SCP2: variants seen among roughly 807,000 people sequenced by gnomAD.
SCP2 encodes the protein SCP-2/3-oxoacyl-CoA thiolase.
A neutral mutation model predicts 71.4 loss-of-function variants in SCP2; 48 were observed. The ratio of observed to expected loss-of-function variants is 0.67; its 90% confidence interval spans 0.53 to 0.86. The LOEUF is 0.86. Ranked by LOEUF, SCP2 falls within the 40% of genes least tolerant of loss-of-function variation. SCP2 has a pLI of 0.00. For missense variants in SCP2, 560 were observed against 655.6 expected, an observed-to-expected ratio of 0.85 and a Z score of 1.59; for synonymous variants, 220 against 218.1, an observed-to-expected ratio of 1.01 and a Z score of -0.08.
At chr1:52,974,452 T>C (rs1449821001) in intron 6 of SCP2, among the ~76,000 whole-genome samples, 1 of 152,158 alleles carries the variant, frequency 6.6e-6, no homozygotes, top group Non-Finnish European at 1.5e-5. Flanking sequence ...CCTAGAGGAA[T>C]TGTAGTGTTC....
chr1:52,971,245 G>C (rs1377268688), intron 6 of SCP2, among the ~76,000 whole-genome samples: 1 of 151,984 alleles, frequency 6.6e-6, no homozygotes, highest in East Asian at 1.9e-4. Context: ...CAAAGTGCTG[G>C]GATTACAGGC....
rs190914292 is a variant in SCP2 at position 52,996,986 on chromosome 1, A to G, written c.1081+8850A>G. Among the ~76,000 whole-genome samples the G allele has an allele frequency of 1.1e-3, 163 of 152,030 alleles. 3 individuals carry two copies. In the South Asian group the frequency reaches 0.032, roughly 29 times the overall value. ...TATTTTGAACTTGCTGCCTTTTTTCATATTGAAAATGTGACATTGCTCCAA... is the reference window on the plus strand; with the variant it reads ...TATTTTGAACTTGCTGCCTTTTTTCGTATTGAAAATGTGACATTGCTCCAA... On this transcript the variant is annotated intron_variant, in intron 11 of 15. Coordinates refer to ENST00000371514, the MANE Select transcript of SCP2 (RefSeq NM_002979.5).
intron 14 of SCP2, among the ~76,000 whole-genome samples, chr1:53,046,323 G>A (rs1421569925): frequency 2.0e-5 from 3 of 148,342 alleles, no homozygotes; most frequent in African/African-American, 7.4e-5. Context: ...CTAACACTGG[G>A]TATTGTCTTT....
intron 6 of SCP2, among the ~76,000 whole-genome samples, chr1:52,966,841 C>T (rs541128060): frequency 5.9e-5 from 9 of 151,420 alleles, no homozygotes; most frequent in African/African-American, 1.2e-4. Context: ...TGCAGTGAGC[C>T]GAGATCATGC....
intron 2 of SCP2, among the ~76,000 whole-genome samples, chr1:52,942,321 G>C (rs959668580): frequency 2.6e-5 from 4 of 152,178 alleles, no homozygotes; most frequent in African/African-American, 9.7e-5. Flanking sequence ...TAAAGGAGGT[G>C]ATGCAGTTTG....
intron 6 of SCP2, among the ~76,000 whole-genome samples, chr1:52,972,374 A>C (rs558099175): frequency 1.3e-5 from 2 of 152,370 alleles, no homozygotes; most frequent in South Asian, 4.1e-4. Flanking sequence ...AGTGACTGGC[A>C]GAATATTTTT....
rs11438037 is a variant in SCP2, at chr1:52,929,197, C to CTT, written c.69+1747_69+1748dup. ...ATATTGACTAGACAACACTGTAACA[C>CTT]TTTTTTTTTTTTTTTTGGAAGACGG... On this transcript the variant is annotated intron_variant, in intron 1 of 15. Transcript: ENST00000371514. Among the ~76,000 whole-genome samples, 1,105 of 135,856 alleles carry CTT rather than the reference C, an allele frequency of 8.1e-3. 12 individuals are homozygous for CTT. Among genetic ancestry groups the CTT allele is most frequent in the African/African-American group, 0.015 (547 of 36,390 alleles). 89.1% of individuals were successfully genotyped at this position (135,856 alleles called of 152,430 possible).
At chr1:52,996,514 G>A (rs1456692628) in intron 11 of SCP2, among the ~76,000 whole-genome samples, 1 of 152,134 alleles carries the variant, frequency 6.6e-6, no homozygotes, top group African/African-American at 2.4e-5. Context: ...TAATTTCCAG[G>A]TATTTCTATT....
intron 12 of SCP2, among the ~76,000 whole-genome samples, chr1:53,023,315 C>T (rs1296255656): frequency 6.6e-6 from 1 of 152,164 alleles, no homozygotes; most frequent in Non-Finnish European, 1.5e-5. Context: ...TTAAAAGTAA[C>T]TGAAAAATTG....
At chr1:53,019,609 G>A (rs578155854) in intron 12 of SCP2, among the ~76,000 whole-genome samples, 36 of 152,206 alleles carry the variant, frequency 2.4e-4, no homozygotes, top group Non-Finnish European at 5.0e-4. Flanking sequence ...AGTAGAGAAT[G>A]GTATATGGAA....
intron 6 of SCP2, among the ~76,000 whole-genome samples, chr1:52,973,000 C>T (rs1014131793): frequency 6.6e-6 from 1 of 152,178 alleles, no homozygotes; most frequent in African/African-American, 2.4e-5. Context: ...TATTCTGATC[C>T]ATCCTATTGA....
intron 6 of SCP2, among the ~76,000 whole-genome samples, chr1:52,965,352 A>T (rs1307990479): frequency 2.6e-5 from 4 of 152,092 alleles, no homozygotes; most frequent in Non-Finnish European, 5.9e-5. Flanking sequence ...TTTTACTAGG[A>T]TTGTATTAAT....
At chr1:52,982,028 G>GT (rs1259601026) in intron 10 of SCP2, among the ~76,000 whole-genome samples, 1 of 151,494 alleles carries the variant, frequency 6.6e-6, no homozygotes, top group Non-Finnish European at 1.5e-5. Context: ...CTTATCGATT[G>GT]TTTTTTTCAC....
chr1:52,977,793 T>C (rs1658114780), intron 8 of SCP2, among the ~76,000 whole-genome samples: 1 of 152,134 alleles, frequency 6.6e-6, no homozygotes, highest in African/African-American at 2.4e-5. Flanking sequence ...AAACTCCGTC[T>C]CTACTAAAAA....
chr1:53,025,527 T>C (rs1011958087), intron 12 of SCP2, among the ~76,000 whole-genome samples: 1 of 152,162 alleles, frequency 6.6e-6, no homozygotes, highest in African/African-American at 2.4e-5. Context: ...ACATTCCTCC[T>C]TGTCCTCGTA....
intron 1 of SCP2, among the ~76,000 whole-genome samples, chr1:52,930,009 C>A (rs1055602792): frequency 1.3e-5 from 2 of 152,180 alleles, no homozygotes; most frequent in African/African-American, 4.8e-5. Context: ...TCCTGATATA[C>A]CCTCTTTTCA....
At chr1:52,962,412 C>T (rs1297286937) in intron 6 of SCP2, among the ~76,000 whole-genome samples, 2 of 152,218 alleles carry the variant, frequency 1.3e-5, no homozygotes, top group Non-Finnish European at 2.9e-5. Context: ...TCTGCTTGTG[C>T]ACCTCCAGAG....
intron 4 of SCP2, among the ~76,000 whole-genome samples, chr1:52,954,218 G>A (rs927789995): frequency 2.8e-4 from 43 of 151,196 alleles, no homozygotes; most frequent in African/African-American, 1.0e-3. Flanking sequence ...GAGAGCTGAG[G>A]TGGGAGGATC....
chr1:53,004,795 C>T (rs999951235), intron 11 of SCP2, among the ~76,000 whole-genome samples: 2 of 152,260 alleles, frequency 1.3e-5, no homozygotes, highest in South Asian at 4.1e-4. Context: ...TGGGTGCAGT[C>T]CACGGAGTAT....
Sources: gnomAD v4.1 joint callset for allele counts (sites outside exome capture counted in the v4.1 genomes callset) on GRCh38, gnomAD v4.1.1 for gene constraint, MANE v1.5 for transcripts, NCBI Gene and HGNC (gene_info 2026-07-23, HGNC 2026-07-21) for gene names.